The following LRP1B variants were observed in gnomAD, a reference collection of about 807,000 sequenced individuals.
The protein encoded by LRP1B is LDL receptor related protein 1B.
Under a neutral mutation model 556.6 loss-of-function variants are expected in LRP1B, and 217 were observed. The ratio of observed to expected loss-of-function variants is 0.39; its 90% CI spans 0.35 to 0.44. LRP1B has a LOEUF of 0.44. LRP1B is among the 20% of genes least tolerant of loss of function. LRP1B has a pLI of 1.00. For synonymous variants in LRP1B, 2,047 were observed against 1,865.8 expected (o/e 1.10, Z -2.50); for missense variants, 5,053 against 5,620.8 (o/e 0.90, Z 3.23).
intron 1 of LRP1B, among the ~76,000 whole-genome samples, chr2:142,079,640 G>A (rs146508884): frequency 0.043 from 6,575 of 152,090 alleles, 232 homozygotes; most frequent in Non-Finnish European, 0.058. Flanking sequence ...ATCCTGAGTA[G>A]CTGAGATTAC....
chr2:141,354,788 C>A (rs1169751377), intron 3 of LRP1B, among the ~76,000 whole-genome samples: 2 of 150,630 alleles, frequency 1.3e-5, no homozygotes, highest in Admixed American at 6.6e-5. Flanking sequence ...AAAAAAAAAA[C>A]TGAAAAAAAT....
intron 41 of LRP1B, among the ~76,000 whole-genome samples, chr2:140,684,707 G>C (rs1280383299): frequency 1.3e-5 from 2 of 152,174 alleles, no homozygotes; most frequent in African/African-American, 2.4e-5. Flanking sequence ...ACATGATATA[G>C]ACATTCTTGT....
At chr2:141,876,923 C>T (rs1698784987) in intron 1 of LRP1B, among the ~76,000 whole-genome samples, 1 of 151,874 alleles carries the variant, frequency 6.6e-6, no homozygotes, top group Middle Eastern at 3.2e-3. Context: ...GGCATTGAAT[C>T]AATCTAAAGA....
At chr2:140,324,947 T>C (rs540493588) in intron 80 of LRP1B, among the ~76,000 whole-genome samples, 1 of 150,520 alleles carries the variant, frequency 6.6e-6, no homozygotes, top group Non-Finnish European at 1.5e-5. Flanking sequence ...ACAATAAAAA[T>C]TTGATTTAGT....
intron 1 of LRP1B, among the ~76,000 whole-genome samples, chr2:141,871,247 C>G (rs897762500): frequency 1.4e-4 from 21 of 151,882 alleles, no homozygotes; most frequent in African/African-American, 4.8e-4. Flanking sequence ...TCAATTTTGA[C>G]ACCTTTATTT....
chr2:141,802,828 A>G (rs1365124061), intron 2 of LRP1B, among the ~76,000 whole-genome samples: 2 of 152,082 alleles, frequency 1.3e-5, no homozygotes, highest in African/African-American at 2.4e-5. Flanking sequence ...CCACAACCCC[A>G]AATGCTAGAT....
intron 7 of LRP1B, among the ~76,000 whole-genome samples, chr2:141,175,065 AAGAAATT>A (rs1680677872): frequency 6.6e-6 from 1 of 152,114 alleles, no homozygotes; most frequent in Non-Finnish European, 1.5e-5. Context: ...TATCTGGTGG[AAGAAATT>A]TCTAAGCAGC....
chr2:141,599,959 C>A (rs185867396), intron 2 of LRP1B, among the ~76,000 whole-genome samples: 2 of 152,242 alleles, frequency 1.3e-5, no homozygotes, highest in East Asian at 3.9e-4. Context: ...GCCCGCTCCA[C>A]ACACACCCAC....
At position 141,733,161 on chromosome 2, in the gene LRP1B, A is replaced by G. The variant is rs556489015; in HGVS notation, c.205+77118T>C. Among the ~76,000 whole-genome samples the G allele has an allele frequency of 5.3e-5, 8 of 152,220 alleles. No homozygotes were observed. The South Asian group carries it at 1.7e-3, about 32-fold the overall frequency. ...AAGCTATTAAACATTCTATTATTTT[A>G]GTTCCACTTATTCTAATTCCAGATC... On this transcript the variant is annotated intron_variant, in intron 2 of 90. Transcript: ENST00000389484.
At position 141,020,052 on chromosome 2, in the gene LRP1B, A is replaced by G; in HGVS notation, c.1840T>C (p.Tyr614His). The G allele has an allele frequency of 3.7e-6, 6 of 1,611,704 alleles. No individual in the cohort carries two copies. The highest frequency in any genetic ancestry group is 5.1e-6 in the Non-Finnish European group (6 of 1,178,462). ...TTCCTATGGCCATCATTGGTCCAGT[A>G]AAGATTATTTCCAATCCAGTCCACA... ...IAVDWIGNNL[Y>H]WTNDGHRKTI... The change falls in exon 12 of 91, where the codon TAC (tyrosine) becomes CAC (histidine). Residue 614 changes from tyrosine to histidine, a missense_variant. Coordinates refer to ENST00000389484, the MANE Select transcript of LRP1B (RefSeq NM_018557.3).
At chr2:141,520,627 G>T (rs1045755113) in intron 2 of LRP1B, among the ~76,000 whole-genome samples, 1 of 151,974 alleles carries the variant, frequency 6.6e-6, no homozygotes, top group African/African-American at 2.4e-5. Context: ...GATGGTAAAC[G>T]GGTCGGGAGA....
At chr2:140,820,074 A>C (rs1334673994) in intron 31 of LRP1B, among the ~76,000 whole-genome samples, 2 of 152,108 alleles carry the variant, frequency 1.3e-5, no homozygotes, top group Non-Finnish European at 2.9e-5. Context: ...ACCTCAGCTG[A>C]CTGCAACCTC....
chr2:141,288,039 C>G (rs300346), intron 3 of LRP1B, among the ~76,000 whole-genome samples: 19,126 of 152,094 alleles, frequency 0.13, 1,377 homozygotes, highest in Admixed American at 0.18. Flanking sequence ...ACTATCCCAA[C>G]TCCTTCTCCC....
chr2:141,800,954 A>G (rs1340654090), intron 2 of LRP1B, among the ~76,000 whole-genome samples: 1 of 152,210 alleles, frequency 6.6e-6, no homozygotes, highest in Non-Finnish European at 1.5e-5. Flanking sequence ...ATTTTTCACC[A>G]TTTAAGTGAA....
At position 141,681,003 on chromosome 2, in the gene LRP1B, A is replaced by G. The variant is rs922370114; in HGVS notation, c.205+129276T>C. ...AATAGAAACTTTCATAATCCTAAAA[A>G]TATTATTGGCCCAGCTCAGTGGCTC... On this transcript the variant is annotated intron_variant, in intron 2 of 90. Coordinates refer to ENST00000389484, the MANE Select transcript of LRP1B (RefSeq NM_018557.3). Among the ~76,000 whole-genome samples, 5 of 152,142 alleles carry G rather than the reference A, an allele frequency of 3.3e-5. 1 individual carries two copies. Among genetic ancestry groups the G allele is most frequent in the Admixed American group, 2.6e-4 (4 of 15,266 alleles).
intron 1 of LRP1B, among the ~76,000 whole-genome samples, chr2:142,055,886 C>T (rs1704649850): frequency 6.6e-6 from 1 of 152,170 alleles, no homozygotes; most frequent in African/African-American, 2.4e-5. Context: ...CACAGTGGCT[C>T]ACGCCTGTAA....
intron 2 of LRP1B, among the ~76,000 whole-genome samples, chr2:141,557,137 C>A (rs1434483415): frequency 6.6e-6 from 1 of 151,666 alleles, no homozygotes; most frequent in African/African-American, 2.4e-5. Context: ...CTTACTGATT[C>A]CTGTACAGTA....
chr2:142,048,337 A>T (rs1295084663), intron 1 of LRP1B, among the ~76,000 whole-genome samples: 6 of 152,098 alleles, frequency 3.9e-5, no homozygotes, highest in Admixed American at 1.3e-4. Context: ...CATGGCCAAC[A>T]TCACAGCTAA....
At chr2:142,057,575 T>C (rs763651851) in intron 1 of LRP1B, among the ~76,000 whole-genome samples, 12 of 152,190 alleles carry the variant, frequency 7.9e-5, no homozygotes, top group Non-Finnish European at 1.8e-4. Flanking sequence ...CAAGATCTTG[T>C]GCTTTAACAA....
Sources: allele counts gnomAD v4.1 joint callset (sites outside exome capture counted in the v4.1 genomes callset), GRCh38; gene constraint gnomAD v4.1.1; transcripts MANE v1.5; gene names NCBI Gene and HGNC (gene_info 2026-07-23, HGNC 2026-07-21).